Variants in SYNPO2 observed in about 807,000 individuals in gnomAD.
SYNPO2 encodes synaptopodin 2, also known as synaptopodin-2.
Under a neutral mutation model 85.0 loss-of-function variants are expected in SYNPO2, and 56 were observed. That is an observed-to-expected ratio of 0.66 (90% CI 0.53 to 0.82). SYNPO2 has a LOEUF of 0.82. Among genes scored for constraint, SYNPO2 ranks in the 40% least tolerant of loss-of-function variants. SYNPO2 has a pLI of 0.00. For missense variants in SYNPO2, 1,575 were observed against 1,534.2 expected (o/e 1.03, Z -0.44); for synonymous variants, 602 against 591.1 (o/e 1.02, Z -0.27).
rs184058466 is a variant in SYNPO2 at position 118,981,755 on chromosome 4, T to A, written c.106-41675T>A. Among the ~76,000 whole-genome samples the A allele has an allele frequency of 8.5e-5, 13 of 152,330 alleles. No homozygotes were observed. The East Asian group carries it at 2.5e-3, about 29-fold the overall frequency. ...CAAAACAAGCTTGTGGTTGTTGCTG[T>A]CGTCCATTTTACTCCTATGTCTTTT... On this transcript the variant is annotated intron_variant, in intron 1 of 4. Coordinates refer to ENST00000307142, the MANE Select transcript of SYNPO2 (RefSeq NM_133477.3).
At chr4:118,880,836 T>A (rs1442712268) in intron 1 of SYNPO2, among the ~76,000 whole-genome samples, 5 of 152,182 alleles carry the variant, frequency 3.3e-5, no homozygotes, top group Non-Finnish European at 7.4e-5. Context: ...AAAATTATCT[T>A]CACTCTTTCT....
chr4:119,029,841 C>A lies in SYNPO2; in HGVS notation c.1070-4C>A. ...TATAATTTTTTTTTTTTTGCTTTCC[C>A]TAGGGCTCAGGAGGAGTGAAAGCCT... is the stretch of plus-strand genomic sequence containing the variant. On this transcript the variant is annotated splice_polypyrimidine_tract_variant and splice_region_variant and intron_variant, in intron 3 of 4. Coordinates refer to ENST00000307142, the MANE Select transcript of SYNPO2 (RefSeq NM_133477.3). 1 of 1,545,380 alleles carries A rather than the reference C, an allele frequency of 6.5e-7. No homozygotes were observed.
intron 1 of SYNPO2, among the ~76,000 whole-genome samples, chr4:118,876,918 G>A (rs1047739430): frequency 4.6e-5 from 7 of 151,592 alleles, no homozygotes; most frequent in Non-Finnish European, 7.4e-5. Flanking sequence ...AGCCTCCTGA[G>A]TAGCTGGGAC....
chr4:118,947,861 T>G (rs1000677314), intron 1 of SYNPO2, among the ~76,000 whole-genome samples: 1 of 152,208 alleles, frequency 6.6e-6, no homozygotes, highest in Non-Finnish European at 1.5e-5. Context: ...TAGCTCAAAA[T>G]TGACATGACT....
At chr4:119,039,569 C>T (rs1428414031) in intron 4 of SYNPO2, among the ~76,000 whole-genome samples, 5 of 152,200 alleles carry the variant, frequency 3.3e-5, no homozygotes, top group South Asian at 2.1e-4. Context: ...TCAATAATGG[C>T]GAAGGGAAGC....
chr4:118,865,765 A>G (rs1290336241), intron 1 of SYNPO2, among the ~76,000 whole-genome samples: 2 of 152,228 alleles, frequency 1.3e-5, no homozygotes, highest in African/African-American at 4.8e-5. Context: ...TTTTATTCGA[A>G]TAGGGGAAAG....
intron 1 of SYNPO2, among the ~76,000 whole-genome samples, chr4:118,971,588 C>A (rs1735543286): frequency 6.6e-6 from 1 of 152,222 alleles, no homozygotes; most frequent in Admixed American, 6.5e-5. Context: ...CTTATTCATT[C>A]ATAGACAGCA....
chr4:118,978,177 T>G (rs1238970175), intron 1 of SYNPO2, among the ~76,000 whole-genome samples: 1 of 152,206 alleles, frequency 6.6e-6, no homozygotes, highest in African/African-American at 2.4e-5. Flanking sequence ...GATTTGCCCA[T>G]CTAAATTTCA....
Position 119,058,044 on chromosome 4 carries a change from T to C in SYNPO2, c.*110T>C. ...TAGATTCACTTTTGGTCTTGGCTTG[T>C]TCTCATAAGTCATTTATCTAAGTTT... On this transcript the variant is annotated 3_prime_UTR_variant, in exon 5 of 5. Coordinates refer to ENST00000307142, the MANE Select transcript of SYNPO2 (RefSeq NM_133477.3). The C allele has an allele frequency of 2.5e-6, 3 of 1,200,272 alleles. No homozygotes were observed. The highest frequency in any genetic ancestry group is 4.1e-4 in the Middle Eastern group (2 of 4,866). 74.4% of individuals were successfully genotyped at this position (1,200,272 alleles called of 1,614,324 possible).
At chr4:118,965,930 T>A (rs13102866) in intron 1 of SYNPO2, among the ~76,000 whole-genome samples, 59,862 of 151,444 alleles carry the variant, frequency 0.4, 12,301 homozygotes, top group East Asian at 0.59. Flanking sequence ...AGATTTTTTT[T>A]AAAAAAAATT....
At chr4:118,881,721 A>G (rs945513547) in intron 1 of SYNPO2, among the ~76,000 whole-genome samples, 6 of 152,164 alleles carry the variant, frequency 3.9e-5, no homozygotes, top group Admixed American at 3.3e-4. Flanking sequence ...GAGACGGCAC[A>G]TAGATCATAG....
intron 4 of SYNPO2, among the ~76,000 whole-genome samples, chr4:119,046,096 C>T (rs551601697): frequency 6.6e-6 from 1 of 152,022 alleles, no homozygotes; most frequent in Non-Finnish European, 1.5e-5. Context: ...TCCTTATTTG[C>T]AAAATGGAGG....
At chr4:118,927,755 A>T (rs1733776703) in intron 1 of SYNPO2, among the ~76,000 whole-genome samples, 1 of 145,164 alleles carries the variant, frequency 6.9e-6, no homozygotes, top group Non-Finnish European at 1.5e-5. Flanking sequence ...TAGATGATAG[A>T]TAGATATATA....
In SYNPO2 at chr4:118,997,101, G is replaced by A. The variant is rs1335675450; in HGVS notation, c.106-26329G>A. Among the ~76,000 whole-genome samples the A allele has an allele frequency of 4.0e-5, 6 of 150,078 alleles. No homozygotes were observed. In the South Asian group the frequency reaches 8.4e-4, roughly 21 times the overall value. ...TAAAAATACAAAAAATTAGCAGGGC[G>A]TAGTGGCGGGCGCCTGTAGTCCCAG... is the stretch of plus-strand genomic sequence containing the variant. On this transcript the variant is annotated intron_variant, in intron 1 of 4. Transcript: ENST00000307142.
At chr4:118,974,610 T>A (rs1448733341) in intron 1 of SYNPO2, among the ~76,000 whole-genome samples, 1 of 152,248 alleles carries the variant, frequency 6.6e-6, no homozygotes, top group Non-Finnish European at 1.5e-5. Context: ...CTAGCAATGT[T>A]CTCACATACA....
chr4:118,967,857 T>C (rs1322814987), intron 1 of SYNPO2, among the ~76,000 whole-genome samples: 1 of 78,966 alleles, frequency 1.3e-5, no homozygotes, highest in African/African-American at 3.7e-5. Flanking sequence ...AAAATCTTTA[T>C]ACCAAAAAAA....
rs138928650 is a variant in SYNPO2 at position 118,905,296 on chromosome 4, T to C, written c.105+16155T>C. The stretch of plus-strand genomic sequence containing the variant: ...AAAATTCCTTCTTCTCTCTATTCAC[T>C]GCTCCTATTCTCTTAATTGCCATTC... On this transcript the variant is annotated intron_variant, in intron 1 of 4. Coordinates refer to ENST00000307142, the MANE Select transcript of SYNPO2 (RefSeq NM_133477.3). Among the ~76,000 whole-genome samples, 495 of 152,342 alleles carry C rather than the reference T, an allele frequency of 3.2e-3. 3 individuals carry two copies. Among genetic ancestry groups the C allele is most frequent in the African/African-American group, 0.011 (445 of 41,588 alleles).
intron 1 of SYNPO2, among the ~76,000 whole-genome samples, chr4:118,956,536 G>T (rs1734882838): frequency 6.6e-6 from 1 of 151,874 alleles, no homozygotes; most frequent in Admixed American, 6.6e-5. Context: ...TTTCCTATTG[G>T]GTAAATCAAT....
rs1044201290 is a variant in SYNPO2, at chr4:118,923,464, T to C, written c.105+34323T>C. Among the ~76,000 whole-genome samples, 5 of 152,090 alleles carry C rather than the reference T, an allele frequency of 3.3e-5. No individual in the cohort carries two copies. In the East Asian group the frequency reaches 9.6e-4, roughly 29 times the overall value. On this transcript the variant is annotated intron_variant, in intron 1 of 4. Coordinates refer to ENST00000307142, the MANE Select transcript of SYNPO2 (RefSeq NM_133477.3). Reference sequence around the variant, plus strand: ...GGTACTGTGCTTATTACCTGGGCGATGATATAATCTGTACACCAAACCTCC... The same window carrying C: ...GGTACTGTGCTTATTACCTGGGCGACGATATAATCTGTACACCAAACCTCC...
Sources: gnomAD v4.1 joint callset for allele counts (sites outside exome capture counted in the v4.1 genomes callset) on GRCh38, gnomAD v4.1.1 for gene constraint, MANE v1.5 for transcripts, NCBI Gene and HGNC (gene_info 2026-07-23, HGNC 2026-07-21) for gene names.